FOXP1: variants seen among roughly 807,000 people sequenced by gnomAD.
The protein encoded by FOXP1 is forkhead box protein P1.
FOXP1 carries 15 observed loss-of-function variants against 98.2 expected under a neutral mutation model. The ratio of observed to expected loss-of-function variants is 0.15; its 90% confidence interval spans 0.10 to 0.24. The LOEUF is 0.24. Among genes scored for constraint, FOXP1 ranks in the 10% least tolerant of loss-of-function variants. The pLI, the probability that FOXP1 is intolerant of heterozygous loss-of-function variation, is 1.00. For synonymous variants in FOXP1, 371 were observed against 314.5 expected (o/e 1.18, Z -1.90); for missense variants, 633 against 848.5 (o/e 0.75, Z 3.15).
chr3:71,423,282 A>G (rs1248853092), intron 3 of FOXP1, among the ~76,000 whole-genome samples: 1 of 152,216 alleles, frequency 6.6e-6, no homozygotes, highest in Non-Finnish European at 1.5e-5. Context: ...GCAACTTGCC[A>G]AGCGCATCGC....
intron 4 of FOXP1, among the ~76,000 whole-genome samples, chr3:71,319,508 C>A (rs1467878089): frequency 1.3e-5 from 2 of 152,120 alleles, no homozygotes; most frequent in African/African-American, 4.8e-5. Context: ...ACTTTATAAT[C>A]TCTGTTCAGT....
At chr3:71,231,316 G>T (rs2066267652) in intron 5 of FOXP1, among the ~76,000 whole-genome samples, 1 of 152,056 alleles carries the variant, frequency 6.6e-6, no homozygotes, top group Non-Finnish European at 1.5e-5. Context: ...TTCTTGTTTT[G>T]CATTCAAGAG....
At chr3:71,411,867 G>C (rs1489762259) in intron 3 of FOXP1, among the ~76,000 whole-genome samples, 2 of 152,176 alleles carry the variant, frequency 1.3e-5, no homozygotes, top group Non-Finnish European at 2.9e-5. Context: ...CAATCATCTG[G>C]AGTAGGGGAA....
chr3:71,387,957 A>G (rs951388158), intron 3 of FOXP1, among the ~76,000 whole-genome samples: 29 of 152,276 alleles, frequency 1.9e-4, no homozygotes, highest in African/African-American at 7.0e-4. Context: ...TATAATAAAA[A>G]GAAAAGTTCT....
chr3:71,520,251 T>G (rs976397878), intron 2 of FOXP1, among the ~76,000 whole-genome samples: 4 of 152,198 alleles, frequency 2.6e-5, no homozygotes, highest in African/African-American at 9.7e-5. Context: ...TACACCTTTT[T>G]GAAAAATAGA....
chr3:71,526,137 T>TAAAC (rs766836663), intron 2 of FOXP1, among the ~76,000 whole-genome samples: 1,035 of 44,116 alleles, frequency 0.023, 12 homozygotes, highest in African/African-American at 0.12. Context: ...TATAAATAAA[T>TAAAC]AAACAAACAA....
chr3:70,967,651 T>G (rs527611823), intron 19 of FOXP1, among the ~76,000 whole-genome samples: 1 of 151,504 alleles, frequency 6.6e-6, no homozygotes, highest in Non-Finnish European at 1.5e-5. Context: ...TTTTGTTTTT[T>G]TTTTGGCAGA....
chr3:71,264,764 T>C (rs1052084771), intron 5 of FOXP1, among the ~76,000 whole-genome samples: 1 of 152,236 alleles, frequency 6.6e-6, no homozygotes, highest in African/African-American at 2.4e-5. Flanking sequence ...GATAACAGTC[T>C]TGTATTGGGT....
intron 5 of FOXP1, among the ~76,000 whole-genome samples, chr3:71,294,819 G>C (rs2073122784): frequency 6.6e-6 from 1 of 152,136 alleles, no homozygotes; most frequent in Non-Finnish European, 1.5e-5. Context: ...CAATGAGTGG[G>C]ATGTATACAA....
At chr3:71,049,529 A>G (rs2049542097) in intron 9 of FOXP1, among the ~76,000 whole-genome samples, 1 of 151,992 alleles carries the variant, frequency 6.6e-6, no homozygotes, top group African/African-American at 2.4e-5. Context: ...TTTCCCAAGG[A>G]AACATCTCAA....
intron 2 of FOXP1, among the ~76,000 whole-genome samples, chr3:71,544,959 A>C (rs1578117198): frequency 6.6e-6 from 1 of 152,186 alleles, no homozygotes; most frequent in African/African-American, 2.4e-5. Flanking sequence ...AAAAAATGTT[A>C]AGACTGTAAA....
intron 5 of FOXP1, among the ~76,000 whole-genome samples, chr3:71,267,544 C>T (rs901870844): frequency 6.6e-6 from 1 of 151,828 alleles, no homozygotes; most frequent in Admixed American, 6.6e-5. Flanking sequence ...AAAACAAAAG[C>T]GATTGTATAA....
chr3:71,285,269 G>A (rs148498615), intron 5 of FOXP1, among the ~76,000 whole-genome samples: 69 of 152,318 alleles, frequency 4.5e-4, no homozygotes, highest in African/African-American at 1.6e-3. Context: ...ATAGGAGGCA[G>A]TCATTTGTAT....
intron 5 of FOXP1, among the ~76,000 whole-genome samples, chr3:71,259,164 A>C (rs922162957): frequency 6.6e-6 from 1 of 151,788 alleles, no homozygotes; most frequent in African/African-American, 2.4e-5. Flanking sequence ...AAGAAAAAAG[A>C]AGTAAAGAAT....
intron 6 of FOXP1, among the ~76,000 whole-genome samples, chr3:71,132,981 TAAAA>T (rs5849991): frequency 6.8e-6 from 1 of 147,510 alleles, no homozygotes; most frequent in Non-Finnish European, 1.5e-5. Context: ...TCTCTAACCA[TAAAA>T]AAAAAAAAGC....
intron 7 of FOXP1, among the ~76,000 whole-genome samples, chr3:71,084,352 G>A (rs1314138470): frequency 6.6e-6 from 1 of 151,338 alleles, no homozygotes; most frequent in Non-Finnish European, 1.5e-5. Flanking sequence ...CAGTGTGTGT[G>A]GTTTTTTTTT....
intron 3 of FOXP1, among the ~76,000 whole-genome samples, chr3:71,458,371 C>T (rs1242439489): frequency 6.6e-6 from 1 of 152,216 alleles, no homozygotes; most frequent in Non-Finnish European, 1.5e-5. Context: ...TACATAGACA[C>T]ATGTCAAGCT....
chr3:71,338,938 T>C (rs1443586951), intron 4 of FOXP1, among the ~76,000 whole-genome samples: 1 of 152,070 alleles, frequency 6.6e-6, no homozygotes, highest in Non-Finnish European at 1.5e-5. Context: ...AAGATGCCTA[T>C]CTAGCAAAGA....
At chr3:71,111,021 C>T (rs1249040338) in intron 7 of FOXP1, among the ~76,000 whole-genome samples, 2 of 152,210 alleles carry the variant, frequency 1.3e-5, no homozygotes, top group Non-Finnish European at 2.9e-5. Flanking sequence ...GCTGAACTCT[C>T]TCTGGAAAGT....
Sources: gnomAD v4.1 joint callset for allele counts (sites outside exome capture counted in the v4.1 genomes callset) on GRCh38, gnomAD v4.1.1 for gene constraint, MANE v1.5 for transcripts, NCBI Gene and HGNC (gene_info 2026-07-23, HGNC 2026-07-21) for gene names.